The following SLC25A21 variants were observed in gnomAD, a reference collection of about 807,000 sequenced individuals.
SLC25A21 encodes the protein mitochondrial 2-oxodicarboxylate carrier.
SLC25A21 carries 47 observed loss-of-function variants against 43.8 expected under a neutral mutation model. The observed-to-expected ratio is 1.07, with a 90% CI of 0.85 to 1.37. The LOEUF is 1.37. Among genes scored for constraint, SLC25A21 ranks in the 40% most tolerant of loss-of-function variants. The pLI is 0.00. For synonymous variants in SLC25A21, 131 were observed against 121.3 expected, an observed-to-expected ratio of 1.08 and a Z score of -0.52; for missense variants, 352 against 350.2, an observed-to-expected ratio of 1.00 and a Z score of -0.04.
At position 36,688,756 on chromosome 14, in the gene SLC25A21, C is replaced by T. The variant is rs550234316; in HGVS notation, c.604-3831G>A. Among the ~76,000 whole-genome samples the T allele has an allele frequency of 1.2e-4, 19 of 152,324 alleles. No homozygotes were observed. The South Asian group carries it at 3.7e-3, about 30-fold the overall frequency. On this transcript the variant is annotated intron_variant, in intron 7 of 9. Transcript: ENST00000331299. ...CGTTGATTGAAGTACATATTTTGTG[C>T]CAGATACTGCTAAGTGCAAATGTCT...
chr14:36,898,315 G>A (rs1185518513), intron 1 of SLC25A21, among the ~76,000 whole-genome samples: 1 of 152,180 alleles, frequency 6.6e-6, no homozygotes, highest in African/African-American at 2.4e-5. Flanking sequence ...GGCTCTGTGG[G>A]CGTAGGACCC....
At chr14:36,730,577 G>C (rs953202624) in intron 4 of SLC25A21, among the ~76,000 whole-genome samples, 4 of 152,210 alleles carry the variant, frequency 2.6e-5, no homozygotes. Flanking sequence ...GGAAGAAGTA[G>C]CTCCTTATAG....
rs1961412002 is a variant in SLC25A21 at position 37,040,033 on chromosome 14, A to G, written c.70+132248T>C. ...AACATGATGAAACCCCATCTCTACTAAAAATATAAAAAAAAAATTAGCTGC... is the reference window on the plus strand; with the variant it reads ...AACATGATGAAACCCCATCTCTACTGAAAATATAAAAAAAAAATTAGCTGC... On this transcript the variant is annotated intron_variant, in intron 1 of 9. Coordinates refer to ENST00000331299, the MANE Select transcript of SLC25A21 (RefSeq NM_030631.4). 2.8e-5 allele frequency among the ~76,000 whole-genome samples: 3 copies of G among 105,708 alleles called. No individual in the cohort carries two copies. In the South Asian group the frequency reaches 7.9e-4, roughly 28 times the overall value. The allele number at this position is 105,708 out of a possible 152,430, so 69.3% of individuals were successfully genotyped here.
chr14:36,929,447 G>C (rs1190958673), intron 1 of SLC25A21, among the ~76,000 whole-genome samples: 1 of 152,100 alleles, frequency 6.6e-6, no homozygotes, highest in African/African-American at 2.4e-5. Flanking sequence ...CTGACTTGGA[G>C]AAAAATAGGA....
chr14:37,026,945 C>CT, intron 1 of SLC25A21, among the ~76,000 whole-genome samples: 1 of 152,066 alleles, frequency 6.6e-6, no homozygotes, highest in Non-Finnish European at 1.5e-5. Flanking sequence ...ATACAGACTT[C>CT]TTTGAGAGGA....
intron 1 of SLC25A21, among the ~76,000 whole-genome samples, chr14:37,065,291 C>A (rs1272896238): frequency 1.3e-5 from 2 of 152,138 alleles, no homozygotes; most frequent in Admixed American, 1.3e-4. Flanking sequence ...CCACTGAAAA[C>A]AACAATATTG....
intron 1 of SLC25A21, among the ~76,000 whole-genome samples, chr14:37,143,335 C>G (rs1038946348): frequency 6.6e-6 from 1 of 152,186 alleles, no homozygotes; most frequent in Admixed American, 6.5e-5. Flanking sequence ...TGCTCCCACC[C>G]TTTCTGCACT....
At chr14:37,125,204 G>A (rs1261292874) in intron 1 of SLC25A21, among the ~76,000 whole-genome samples, 2 of 152,062 alleles carry the variant, frequency 1.3e-5, no homozygotes, top group East Asian at 1.9e-4. Flanking sequence ...GTAAAATTAG[G>A]GAATTCAAGG....
At chr14:37,014,237 T>C (rs1300753310) in intron 1 of SLC25A21, among the ~76,000 whole-genome samples, 4 of 152,182 alleles carry the variant, frequency 2.6e-5, no homozygotes, top group African/African-American at 9.7e-5. Flanking sequence ...GATTTTTCTA[T>C]TTTCTAATGC....
intron 3 of SLC25A21, among the ~76,000 whole-genome samples, chr14:36,743,326 C>T (rs1885351886): frequency 6.6e-6 from 1 of 152,054 alleles, no homozygotes; most frequent in South Asian, 2.1e-4. Context: ...TTTTCAGTGA[C>T]AGCAGATCAC....
rs543822172 is a variant in SLC25A21, at chr14:37,024,758, A to C, written c.70+147523T>G. ...GAAAAACAAATTACTCAACAAAGCA[A>C]CAGATTAGAATTTTAAATAATTGGC... On this transcript the variant is annotated intron_variant, in intron 1 of 9. Coordinates refer to ENST00000331299, the MANE Select transcript of SLC25A21 (RefSeq NM_030631.4). Among the ~76,000 whole-genome samples, 15 of 152,226 alleles carry C rather than the reference A, an allele frequency of 9.9e-5. 3 individuals carry two copies. The highest frequency in any genetic ancestry group is 3.6e-4 in the African/African-American group (15 of 41,570).
At chr14:36,988,088 G>A (rs1960185164) in intron 1 of SLC25A21, among the ~76,000 whole-genome samples, 1 of 152,150 alleles carries the variant, frequency 6.6e-6, no homozygotes, top group African/African-American at 2.4e-5. Flanking sequence ...CTTCCCTGTG[G>A]CAACACGGCC....
intron 1 of SLC25A21, among the ~76,000 whole-genome samples, chr14:37,122,473 A>G (rs561782671): frequency 6.6e-6 from 1 of 152,342 alleles, no homozygotes; most frequent in African/African-American, 2.4e-5. Context: ...CCAGGACTCA[A>G]TTAATTACTT....
chr14:36,991,196 G>A (rs1219224307), intron 1 of SLC25A21, among the ~76,000 whole-genome samples: 2 of 152,178 alleles, frequency 1.3e-5, no homozygotes, highest in Non-Finnish European at 2.9e-5. Context: ...GCTGGTTTCT[G>A]TACAAAGCTG....
Position 36,941,884 on chromosome 14 carries a change from A to AT in SLC25A21, c.71-66881dup, listed in dbSNP as rs377238081. 3.3e-5 allele frequency among the ~76,000 whole-genome samples: 5 copies of AT among 152,038 alleles called. No individual in the cohort carries two copies. In the East Asian group the frequency reaches 5.8e-4, roughly 18 times the overall value. On this transcript the variant is annotated intron_variant, in intron 1 of 9. Transcript: ENST00000331299. ...AACATTTTTTCAAATGTTTAAATAAATTTTTTTTAAATAAACTTAGAACAT... is the reference window on the plus strand; with the variant it reads ...AACATTTTTTCAAATGTTTAAATAAATTTTTTTTTAAATAAACTTAGAACAT...
chr14:37,102,876 T>C (rs998919438), intron 1 of SLC25A21, among the ~76,000 whole-genome samples: 1 of 151,770 alleles, frequency 6.6e-6, no homozygotes, highest in East Asian at 1.9e-4. Flanking sequence ...TCCCAGCTAC[T>C]CGGGAGGCTG....
intron 3 of SLC25A21, among the ~76,000 whole-genome samples, chr14:36,798,691 A>T (rs560316129): frequency 6.6e-6 from 1 of 152,282 alleles, no homozygotes; most frequent in Non-Finnish European, 1.5e-5. Context: ...AATACAGAAA[A>T]GATGCCGATA....
chr14:36,782,076 G>C (rs1887084408), intron 3 of SLC25A21, among the ~76,000 whole-genome samples: 1 of 152,114 alleles, frequency 6.6e-6, no homozygotes, highest in East Asian at 1.9e-4. Context: ...TGGCCTGCAA[G>C]GTTTCTGTTG....
At chr14:36,922,606 A>G (rs1175037701) in intron 1 of SLC25A21, among the ~76,000 whole-genome samples, 1 of 151,964 alleles carries the variant, frequency 6.6e-6, no homozygotes, top group Non-Finnish European at 1.5e-5. Flanking sequence ...TCAGGAAAAG[A>G]ACTATGAGGG....
Sources: gnomAD v4.1 joint callset for allele counts (sites outside exome capture counted in the v4.1 genomes callset) on GRCh38, gnomAD v4.1.1 for gene constraint, MANE v1.5 for transcripts, NCBI Gene and HGNC (gene_info 2026-07-23, HGNC 2026-07-21) for gene names.